AGBL4: variants seen among roughly 807,000 people sequenced by gnomAD.
AGBL4 encodes cytosolic carboxypeptidase 6.
A neutral mutation model predicts 66.4 loss-of-function variants in AGBL4; 58 were observed. The ratio of observed to expected loss-of-function variants is 0.87; its 90% CI spans 0.71 to 1.09. The LOEUF (loss-of-function observed/expected upper bound fraction) is 1.09, where lower values mean the gene tolerates loss of function less well. Ranked by LOEUF, AGBL4 falls within the 50% of genes least tolerant of loss-of-function variation. The pLI, the probability that AGBL4 is intolerant of heterozygous loss-of-function variation, is 0.00. For missense variants in AGBL4, 579 were observed against 631.0 expected (o/e 0.92, Z 0.88); for synonymous variants, 234 against 222.9 (o/e 1.05, Z -0.44).
intron 3 of AGBL4, among the ~76,000 whole-genome samples, chr1:49,322,724 A>G (rs1645152978): frequency 6.6e-6 from 1 of 152,222 alleles, no homozygotes. Context: ...CAGCTTCCAG[A>G]ACAAGTGTGG....
the AGBL4 span, among the ~76,000 whole-genome samples, chr1:48,523,795 T>C: frequency 2.2e-4 from 33 of 152,218 alleles, 1 homozygote; most frequent in African/African-American, 7.2e-4. Context: ...ATTTCATCAT[T>C]GTGTGAACAT....
At chr1:48,531,974 G>A (rs1643909170), downstream of AGBL4, among the ~76,000 whole-genome samples, 1 of 152,066 alleles carries the variant, frequency 6.6e-6, no homozygotes, top group Non-Finnish European at 1.5e-5. Flanking sequence ...AGTAGAGACG[G>A]GCTTTCTCCA....
At chr1:48,841,363 T>C (rs1393993961) in intron 6 of AGBL4, among the ~76,000 whole-genome samples, 1 of 149,604 alleles carries the variant, frequency 6.7e-6, no homozygotes, top group Non-Finnish European at 1.5e-5. Context: ...AATCTAAGGG[T>C]AGAGTCTTGG....
At chr1:49,391,313 G>A (rs534381316) in intron 3 of AGBL4, among the ~76,000 whole-genome samples, 2 of 152,244 alleles carry the variant, frequency 1.3e-5, no homozygotes, top group East Asian at 3.9e-4. Flanking sequence ...CATGGTTAAA[G>A]GTCTTTTTGA....
chr1:50,001,762 T>C (rs1038494939), intron 1 of AGBL4, among the ~76,000 whole-genome samples: 4 of 152,134 alleles, frequency 2.6e-5, no homozygotes, highest in African/African-American at 7.2e-5. Flanking sequence ...CCAAATCACA[T>C]GGATTTTCCA....
intron 5 of AGBL4, among the ~76,000 whole-genome samples, chr1:48,900,068 G>A (rs574912522): frequency 6.6e-6 from 1 of 152,160 alleles, no homozygotes; most frequent in Non-Finnish European, 1.5e-5. Context: ...TGTGAGTGGG[G>A]TGGGGTTGGA....
chr1:49,092,133 T>C (rs915498562), intron 4 of AGBL4, among the ~76,000 whole-genome samples: 1 of 152,026 alleles, frequency 6.6e-6, no homozygotes, highest in Non-Finnish European at 1.5e-5. Context: ...CAACACGCAA[T>C]TTACCTATGT....
intron 6 of AGBL4, among the ~76,000 whole-genome samples, chr1:48,758,324 G>A (rs1042534234): frequency 6.6e-6 from 1 of 152,078 alleles, no homozygotes; most frequent in Non-Finnish European, 1.5e-5. Flanking sequence ...CTCTTAGTGT[G>A]CTCCAGGTAT....
At chr1:48,698,896 T>C (rs1490074731) in intron 6 of AGBL4, among the ~76,000 whole-genome samples, 1 of 152,244 alleles carries the variant, frequency 6.6e-6, no homozygotes, top group African/African-American at 2.4e-5. Context: ...TGTTTAAACC[T>C]AGGTCCAGCT....
chr1:48,719,306 C>T (rs1011469763), intron 6 of AGBL4, among the ~76,000 whole-genome samples: 1 of 152,192 alleles, frequency 6.6e-6, no homozygotes, highest in South Asian at 2.1e-4. Context: ...CCTGGGCACT[C>T]CCCATCTGCA....
chr1:48,958,726 A>G (rs1297680070), intron 5 of AGBL4, among the ~76,000 whole-genome samples: 2 of 151,790 alleles, frequency 1.3e-5, no homozygotes, highest in African/African-American at 4.8e-5. Flanking sequence ...AGCTTAGACC[A>G]CTCCTCATAT....
chr1:48,843,998 C>T (rs1489641594), intron 6 of AGBL4, among the ~76,000 whole-genome samples: 1 of 152,164 alleles, frequency 6.6e-6, no homozygotes, highest in African/African-American at 2.4e-5. Context: ...TGCACTTAGT[C>T]CTCACATCTG....
At chr1:48,800,199 G>C (rs1284328515) in intron 6 of AGBL4, among the ~76,000 whole-genome samples, 1 of 152,132 alleles carries the variant, frequency 6.6e-6, no homozygotes, top group African/African-American at 2.4e-5. Context: ...TCTGTTCAGA[G>C]TTTCTGTTTC....
chr1:49,323,679 G>A (rs1481691052), intron 3 of AGBL4, among the ~76,000 whole-genome samples: 1 of 151,220 alleles, frequency 6.6e-6, no homozygotes, highest in African/African-American at 2.4e-5. Flanking sequence ...TGAGGCAGGA[G>A]AATGGCGTGA....
intron 3 of AGBL4, among the ~76,000 whole-genome samples, chr1:49,531,053 C>A (rs1370025333): frequency 1.3e-5 from 2 of 152,220 alleles, no homozygotes; most frequent in South Asian, 2.1e-4. Flanking sequence ...TATTTCTATT[C>A]TTTCCCACAG....
chr1:48,796,970 T>C (rs955704461), intron 6 of AGBL4, among the ~76,000 whole-genome samples: 4 of 152,164 alleles, frequency 2.6e-5, no homozygotes, highest in African/African-American at 9.6e-5. Flanking sequence ...ACTTGAATCA[T>C]ATGTCCTTCT....
intron 2 of AGBL4, among the ~76,000 whole-genome samples, chr1:49,764,653 G>A (rs1652603367): frequency 6.6e-6 from 1 of 152,070 alleles, no homozygotes; most frequent in South Asian, 2.1e-4. Flanking sequence ...CTTGTGGTCA[G>A]GCCAACCTAA....
Position 49,338,595 on chromosome 1 carries a change from G to A in AGBL4, c.283-92731C>T, listed in dbSNP as rs111302541. ...GGCTAGGGTCTGCAGAGCCTGCCCA[G>A]GCAGGAGAGTAGAGAGGCTGGTCCA... On this transcript the variant is annotated intron_variant, in intron 3 of 13. Transcript: ENST00000371839. 3.6e-3 allele frequency among the ~76,000 whole-genome samples: 552 copies of A among 152,346 alleles called. 5 individuals are homozygous for A. Among genetic ancestry groups the A allele is most frequent in the African/African-American group, 0.013 (530 of 41,584 alleles).
At chr1:48,641,163 A>G (rs1557847256) in intron 8 of AGBL4, among the ~76,000 whole-genome samples, 1 of 152,196 alleles carries the variant, frequency 6.6e-6, no homozygotes, top group Non-Finnish European at 1.5e-5. Context: ...AGCAAAATAA[A>G]TATTGCTTTA....
Sources: gnomAD v4.1 joint callset for allele counts (sites outside exome capture counted in the v4.1 genomes callset) on GRCh38, gnomAD v4.1.1 for gene constraint, MANE v1.5 for transcripts, NCBI Gene and HGNC (gene_info 2026-07-23, HGNC 2026-07-21) for gene names.